The following DGKI variants were observed in gnomAD, a reference collection of about 807,000 sequenced individuals.
DGKI encodes diacylglycerol kinase iota.
DGKI carries 55 observed loss-of-function variants against 147.5 expected under a neutral mutation model. The observed-to-expected ratio is 0.37, with a 90% CI of 0.30 to 0.47. The LOEUF (loss-of-function observed/expected upper bound fraction) is 0.47. DGKI is among the 20% of genes least tolerant of loss of function. DGKI has a pLI of 1.00. For missense variants in DGKI, 1,007 were observed against 1,323.8 expected (o/e 0.76, Z 3.71); for synonymous variants, 469 against 477.1 (o/e 0.98, Z 0.22).
chr7:137,638,354 A>T, intron 6 of DGKI, among the ~76,000 whole-genome samples: 4 of 140,076 alleles, frequency 2.9e-5, no homozygotes, highest in East Asian at 2.1e-4. Flanking sequence ...TATTTTCTTC[A>T]TTTCCCCAAT....
chr7:137,784,592 A>G (rs1796611649), intron 1 of DGKI, among the ~76,000 whole-genome samples: 1 of 152,110 alleles, frequency 6.6e-6, no homozygotes, highest in African/African-American at 2.4e-5. Context: ...CAAAGAAACA[A>G]TGGACTTAAA....
intron 1 of DGKI, among the ~76,000 whole-genome samples, chr7:137,711,137 G>C (rs1340719402): frequency 6.6e-6 from 1 of 151,860 alleles, no homozygotes; most frequent in Admixed American, 6.6e-5. Context: ...GCAAGATATA[G>C]AGCTTACATA....
intron 27 of DGKI, among the ~76,000 whole-genome samples, chr7:137,449,006 T>G (rs1813842910): frequency 6.6e-6 from 1 of 152,160 alleles, no homozygotes; most frequent in African/African-American, 2.4e-5. Context: ...TACAAATAAA[T>G]GGAAAGACAT....
At chr7:137,609,247 C>T (rs943927565) in intron 9 of DGKI, among the ~76,000 whole-genome samples, 183 bp from the exon 10 acceptor site, 1 of 152,012 alleles carries the variant, frequency 6.6e-6, no homozygotes. Context: ...GAGAATTAAG[C>T]CAGGCTTTTT....
At chr7:137,549,505 G>C (rs1817975931) in intron 20 of DGKI, among the ~76,000 whole-genome samples, 1 of 152,160 alleles carries the variant, frequency 6.6e-6, no homozygotes, top group African/African-American at 2.4e-5. Context: ...CACACACACA[G>C]AGGTTTTTAA....
chr7:137,546,396 A>G (rs1261586777), intron 20 of DGKI, among the ~76,000 whole-genome samples: 2 of 152,214 alleles, frequency 1.3e-5, no homozygotes. Flanking sequence ...TAACCCTTTC[A>G]TCACACAGCC....
At position 137,774,100 on chromosome 7, in the gene DGKI, C is replaced by T. The variant is rs865973137; in HGVS notation, c.401+72362G>A. Among the ~76,000 whole-genome samples the T allele has an allele frequency of 7.2e-5, 11 of 152,318 alleles. 1 individual carries two copies. In the Middle Eastern group the frequency reaches 0.017, roughly 235 times the overall value. ...CAGTCACTTACACTTACTTTCTTAA[C>T]TGGGTCCCTTATACTATTTCCTGGG... On this transcript the variant is annotated intron_variant, in intron 1 of 32. Transcript: ENST00000614521.
intron 1 of DGKI, among the ~76,000 whole-genome samples, chr7:137,726,659 T>C (rs1263660836): frequency 6.6e-6 from 1 of 152,226 alleles, no homozygotes; most frequent in Non-Finnish European, 1.5e-5. Flanking sequence ...GATTCTCCTA[T>C]GAAGCAAAAT....
At chr7:137,603,112 T>C (rs1820051648) in intron 10 of DGKI, among the ~76,000 whole-genome samples, 1 of 152,184 alleles carries the variant, frequency 6.6e-6, no homozygotes, top group Non-Finnish European at 1.5e-5. Context: ...TTCATTCACC[T>C]ACTATGTGAC....
chr7:137,705,394 A>G (rs1055681685), intron 1 of DGKI, among the ~76,000 whole-genome samples: 2 of 152,172 alleles, frequency 1.3e-5, no homozygotes, highest in Non-Finnish European at 2.9e-5. Context: ...CAGGAATAAA[A>G]AAGAATGAAC....
At chr7:137,520,128 CACA>C (rs903537553) in intron 21 of DGKI, among the ~76,000 whole-genome samples, 4 of 151,996 alleles carry the variant, frequency 2.6e-5, no homozygotes, top group Non-Finnish European at 4.4e-5. Context: ...CAGATAATGC[CACA>C]GAAAAGATAA....
chr7:137,741,020 T>A (rs1322151557), intron 1 of DGKI, among the ~76,000 whole-genome samples: 1 of 152,170 alleles, frequency 6.6e-6, no homozygotes, highest in Non-Finnish European at 1.5e-5. Flanking sequence ...TAATTTTTTT[T>A]TTATTATTTT....
Position 137,645,518 on chromosome 7 carries a change from CA to C in DGKI, c.757del (p.Trp253GlyfsTer45). 1 of 1,612,550 alleles carries C rather than the reference CA, an allele frequency of 6.2e-7. No homozygotes were observed. ...SPRENFVRHH[W>X]VHRRRQEGKC... The stretch of plus-strand genomic sequence containing the variant: ...CCCCTCCTGCCGACGCCTGTGCACC[CA>C]GTGATGACGTACAAAATTCTGTGGG... On this transcript the variant is annotated frameshift_variant, in exon 6 of 33. Transcript: ENST00000614521. LOFTEE classifies it high-confidence loss of function.
intron 27 of DGKI, among the ~76,000 whole-genome samples, chr7:137,448,314 A>C (rs1360660812): frequency 3.3e-5 from 5 of 151,596 alleles, no homozygotes; most frequent in African/African-American, 7.3e-5. Context: ...AAAAAAAAAA[A>C]AAAAACTCAC....
intron 5 of DGKI, among the ~76,000 whole-genome samples, chr7:137,652,584 A>T (rs1822066966): frequency 6.6e-6 from 1 of 152,156 alleles, no homozygotes. Context: ...GAGGCACCAC[A>T]GCCCTATCAT....
At chr7:137,841,872 C>T (rs748830128) in intron 1 of DGKI, among the ~76,000 whole-genome samples, 2 of 152,174 alleles carry the variant, frequency 1.3e-5, no homozygotes, top group Admixed American at 6.5e-5. Context: ...GAATTGAACA[C>T]CAGCAAAGAC....
chr7:137,477,255 C>A (rs1815200987), intron 23 of DGKI, among the ~76,000 whole-genome samples: 1 of 152,180 alleles, frequency 6.6e-6, no homozygotes, highest in African/African-American at 2.4e-5. Flanking sequence ...GACACAGGAA[C>A]CGAGACTACA....
intron 21 of DGKI, among the ~76,000 whole-genome samples, chr7:137,498,702 C>T (rs1816059234): frequency 6.6e-6 from 1 of 152,082 alleles, no homozygotes; most frequent in African/African-American, 2.4e-5. Flanking sequence ...GAATGAAGGA[C>T]CCATGATCTG....
rs894736671 is a variant in DGKI at position 137,382,778 on chromosome 7, T to C, written c.*8442A>G. The stretch of plus-strand genomic sequence containing the variant: ...GCAAGAAGTAGAACAAGAAAGAAGG[T>C]GGAGTAGAAGCAGGTCTTTTCTGCA... On this transcript the variant is annotated 3_prime_UTR_variant, in exon 33 of 33. Coordinates refer to ENST00000614521, the MANE Select transcript of DGKI (RefSeq NM_001321708.2). 6.6e-6 allele frequency: 1 copy of C among 151,900 alleles called. No individual in the cohort carries two copies. Among genetic ancestry groups the C allele is most frequent in the African/African-American group, 2.4e-5 (1 of 41,384 alleles). The allele number at this position is 151,900 out of a possible 1,614,324, so 9.4% of individuals were successfully genotyped here.
Sources: gnomAD v4.1 joint callset for allele counts (sites outside exome capture counted in the v4.1 genomes callset) on GRCh38, gnomAD v4.1.1 for gene constraint, MANE v1.5 for transcripts, NCBI Gene and HGNC (gene_info 2026-07-23, HGNC 2026-07-21) for gene names.